Variants in GPRIN3 observed in about 807,000 individuals in gnomAD.
GPRIN3 encodes G protein-regulated inducer of neurite outgrowth 3.
In GPRIN3, 12 loss-of-function variants were observed where a neutral mutation model predicts 13.7. The observed-to-expected ratio is 0.87, with a 90% CI of 0.56 to 1.42. The LOEUF (loss-of-function observed/expected upper bound fraction) is 1.42, where lower values mean the gene tolerates loss of function less well. Ranked by LOEUF, GPRIN3 falls within the 40% of genes most tolerant of loss-of-function variation. The pLI, the probability that GPRIN3 is intolerant of heterozygous loss-of-function variation, is 0.00. For synonymous variants in GPRIN3, 377 were observed against 372.7 expected, an observed-to-expected ratio of 1.01 and a Z score of -0.13; for missense variants, 1,009 against 958.7, an observed-to-expected ratio of 1.05 and a Z score of -0.69.
chr4:89,304,399 C>G (rs1470680087), intron 1 of GPRIN3, among the ~76,000 whole-genome samples: 1 of 127,124 alleles, frequency 7.9e-6, no homozygotes, highest in Non-Finnish European at 1.6e-5. Context: ...ATTATGCAGG[C>G]TTGCACACAC....
intron 1 of GPRIN3, among the ~76,000 whole-genome samples, chr4:89,304,241 G>A (rs1236064354): frequency 6.6e-6 from 1 of 152,178 alleles, no homozygotes; most frequent in Non-Finnish European, 1.5e-5. Context: ...TGCGGAAAAT[G>A]CTTGTCTATC....
At chr4:89,267,598 ATTGGTC>A (rs1364441654) in intron 1 of GPRIN3, among the ~76,000 whole-genome samples, 1 of 152,198 alleles carries the variant, frequency 6.6e-6, no homozygotes, top group African/African-American at 2.4e-5. Flanking sequence ...ACTGGTCCTC[ATTGGTC>A]CTTAACATTC....
In GPRIN3 at chr4:89,248,342, T is replaced by TA. The variant is rs1723177573; in HGVS notation, c.1768_1769insT (p.Glu590ValfsTer21). On this transcript the variant is annotated frameshift_variant, in exon 2 of 2. Coordinates refer to ENST00000609438, the MANE Select transcript of GPRIN3 (RefSeq NM_198281.3). LOFTEE classifies it high-confidence loss of function. ...CTGTCTGTTTTCTTCTAAGGTGCTC[T>TA]CCTGGTTCTTCCTAATTGGGGAGGG... 6.2e-7 allele frequency: 1 copy of TA among 1,614,062 alleles called. No homozygotes were observed.
chr4:89,272,816 C>A (rs1723995860), intron 1 of GPRIN3, among the ~76,000 whole-genome samples: 1 of 152,164 alleles, frequency 6.6e-6, no homozygotes, highest in African/African-American at 2.4e-5. Flanking sequence ...ATTCTCTATT[C>A]AATTCTATTC....
chr4:89,289,456 T>C (rs557256817), intron 1 of GPRIN3, among the ~76,000 whole-genome samples: 25 of 152,228 alleles, frequency 1.6e-4, no homozygotes, highest in African/African-American at 6.0e-4. Context: ...GTGGCATCTC[T>C]CCAGAAACAT....
chr4:89,263,957 T>G (rs1007080644), intron 1 of GPRIN3, among the ~76,000 whole-genome samples: 6 of 152,214 alleles, frequency 3.9e-5, no homozygotes, highest in Non-Finnish European at 8.8e-5. Flanking sequence ...AAAAGCATTT[T>G]TGAAAGGTAA....
chr4:89,289,926 T>C (rs1477004214), intron 1 of GPRIN3, among the ~76,000 whole-genome samples: 1 of 152,054 alleles, frequency 6.6e-6, no homozygotes, highest in African/African-American at 2.4e-5. Flanking sequence ...ACTCTCCAGT[T>C]TGTTTCCAAC....
intron 1 of GPRIN3, among the ~76,000 whole-genome samples, chr4:89,296,117 A>G (rs1724724361): frequency 6.6e-6 from 1 of 152,178 alleles, no homozygotes; most frequent in South Asian, 2.1e-4. Context: ...CAGTCTGAAA[A>G]GCAGTGCTCT....
intron 1 of GPRIN3, among the ~76,000 whole-genome samples, chr4:89,271,582 T>TA (rs1723952645): frequency 6.6e-6 from 1 of 151,604 alleles, no homozygotes; most frequent in South Asian, 2.1e-4. Context: ...TTGTATTTTT[T>TA]ATTATTGTAT....
intron 1 of GPRIN3, among the ~76,000 whole-genome samples, chr4:89,291,321 T>C (rs1231486708): frequency 6.6e-6 from 1 of 152,088 alleles, no homozygotes; most frequent in African/African-American, 2.4e-5. Context: ...ACCAAGAAAT[T>C]TCCCTTCATG....
intron 1 of GPRIN3, among the ~76,000 whole-genome samples, chr4:89,280,278 C>T (rs28435398): frequency 0.068 from 10,323 of 152,080 alleles, 500 homozygotes; most frequent in African/African-American, 0.14. Context: ...TCTCTGCCTC[C>T]GATCTGTACC....
Position 89,244,712 on chromosome 4 carries a change from G to T in GPRIN3, c.*3068C>A, listed in dbSNP as rs1292002782. ...ATCAATCTTTAAATTAAAAATTTTA[G>T]TATTCACTTGTTAAGTGGTATAGCA... is the stretch of plus-strand genomic sequence containing the variant. On this transcript the variant is annotated 3_prime_UTR_variant, in exon 2 of 2. Coordinates refer to ENST00000609438, the MANE Select transcript of GPRIN3 (RefSeq NM_198281.3). 1 of 152,162 alleles carries T rather than the reference G, an allele frequency of 6.6e-6. No individual in the cohort carries two copies. The highest frequency in any genetic ancestry group is 1.5e-5 in the Non-Finnish European group (1 of 68,012). The allele number at this position is 152,162 out of a possible 1,614,324, so 9.4% of individuals were successfully genotyped here.
rs1415410346 is a variant in GPRIN3 at position 89,242,245 on chromosome 4, G to T, written c.*5535C>A. 1 of 152,124 alleles carries T rather than the reference G, an allele frequency of 6.6e-6. No individual in the cohort carries two copies. Among genetic ancestry groups the T allele is most frequent in the Non-Finnish European group, 1.5e-5 (1 of 68,022 alleles). The allele number at this position is 152,124 out of a possible 1,614,324, so 9.4% of individuals were successfully genotyped here. On this transcript the variant is annotated 3_prime_UTR_variant, in exon 2 of 2. Transcript: ENST00000609438. ...TTTAGAAGTGCCCATCTGGAGCATC[G>T]TTTTCTGTAAGGCATCATTTGAAGC...
chr4:89,238,780 T>A lies in GPRIN3; in HGVS notation c.*9000A>T, dbSNP rs937241183. 5 of 152,226 alleles carry A rather than the reference T, an allele frequency of 3.3e-5. No homozygotes were observed. The highest frequency in any genetic ancestry group is 1.2e-4 in the African/African-American group (5 of 41,450). 9.4% of individuals were successfully genotyped at this position (152,226 alleles called of 1,614,324 possible). On this transcript the variant is annotated 3_prime_UTR_variant, in exon 2 of 2. Coordinates refer to ENST00000609438, the MANE Select transcript of GPRIN3 (RefSeq NM_198281.3). ...AGCTGTCACATGGAAAATCAACTGA[T>A]TCTGCACATTCATGGTTAAAAGAAC...
Position 89,303,240 on chromosome 4 carries a change from C to T in GPRIN3, c.-124+4375G>A, listed in dbSNP as rs946467585. On this transcript the variant is annotated intron_variant, in intron 1 of 1. Transcript: ENST00000609438. ...AGAAAATATGGCAGATGCTGCCGTT[C>T]CTTTAGGAGTTCATGGCTACCAAGC... Among the ~76,000 whole-genome samples, 36 of 152,328 alleles carry T rather than the reference C, an allele frequency of 2.4e-4. 1 individual carries two copies. Among genetic ancestry groups the T allele is most frequent in the Middle Eastern group, 3.4e-3 (1 of 294 alleles).
At chr4:89,289,342 T>A (rs184911081) in intron 1 of GPRIN3, among the ~76,000 whole-genome samples, 29 of 152,006 alleles carry the variant, frequency 1.9e-4, no homozygotes, top group Non-Finnish European at 5.9e-5. Flanking sequence ...CCTCTTGACA[T>A]CACTAATTCT....
In GPRIN3 at chr4:89,240,991, T is replaced by G. The variant is rs1472392588; in HGVS notation, c.*6789A>C. On this transcript the variant is annotated 3_prime_UTR_variant, in exon 2 of 2. Coordinates refer to ENST00000609438, the MANE Select transcript of GPRIN3 (RefSeq NM_198281.3). ...GGATTTAGATAATTCATACAAGGTATGTACACAATCACACCCATAGTATGT... is the reference window on the plus strand; with the variant it reads ...GGATTTAGATAATTCATACAAGGTAGGTACACAATCACACCCATAGTATGT... The G allele has an allele frequency of 6.6e-6, 1 of 152,232 alleles. No individual in the cohort carries two copies. The highest frequency in any genetic ancestry group is 2.4e-5 in the African/African-American group (1 of 41,464). The allele number at this position is 152,232 out of a possible 1,614,324, so 9.4% of individuals were successfully genotyped here.
intron 1 of GPRIN3, among the ~76,000 whole-genome samples, chr4:89,286,091 GTATA>G (rs35444036): frequency 0.15 from 21,378 of 146,622 alleles, 1,649 homozygotes; most frequent in African/African-American, 0.19. Flanking sequence ...ATGTGTGTGT[GTATA>G]TATATATATA....
In GPRIN3 at chr4:89,249,354, T is replaced by C. The variant is rs780469670; in HGVS notation, c.757A>G (p.Thr253Ala). Residue 253 changes from threonine (T) to alanine (A), a missense_variant, in exon 2 of 2, where the codon ACT (threonine) becomes GCT (alanine). Coordinates refer to ENST00000609438, the MANE Select transcript of GPRIN3 (RefSeq NM_198281.3). Reference sequence around the variant, plus strand: ...GTTGTGCCTTGGGGGCCCGAGGCAGTGACAGAGGGCTGCTTGTTCTCTGAA... The same window carrying C: ...GTTGTGCCTTGGGGGCCCGAGGCAGCGACAGAGGGCTGCTTGTTCTCTGAA... ...GCSENKQPSV[T>A]ASGPQGTTSV... 1 of 1,614,106 alleles carries C rather than the reference T, an allele frequency of 6.2e-7. No homozygotes were observed. Among genetic ancestry groups the C allele is most frequent in the Non-Finnish European group, 8.5e-7 (1 of 1,180,022 alleles).
Sources: allele counts gnomAD v4.1 joint callset (sites outside exome capture counted in the v4.1 genomes callset), GRCh38; gene constraint gnomAD v4.1.1; transcripts MANE v1.5; gene names NCBI Gene and HGNC (gene_info 2026-07-23, HGNC 2026-07-21).